CPNE4: variants seen among roughly 807,000 people sequenced by gnomAD.
The protein encoded by CPNE4 is copine 4.
CPNE4 carries 25 observed loss-of-function variants against 67.9 expected under a neutral mutation model. That is an observed-to-expected ratio of 0.37 (90% CI 0.27 to 0.51). The LOEUF (loss-of-function observed/expected upper bound fraction) is 0.51, where lower values mean the gene tolerates loss of function less well. CPNE4 is among the 20% of genes least tolerant of loss of function. The pLI is 0.93. For synonymous variants in CPNE4, 242 were observed against 244.9 expected, an observed-to-expected ratio of 0.99 and a Z score of 0.11; for missense variants, 464 against 690.8, an observed-to-expected ratio of 0.67 and a Z score of 3.68.
At chr3:132,018,940 G>A (rs1438414959) in intron 1 of CPNE4, among the ~76,000 whole-genome samples, 1 of 152,118 alleles carries the variant, frequency 6.6e-6, no homozygotes, top group East Asian at 1.9e-4. Context: ...GGAAAATTAG[G>A]GCGATGCACT....
chr3:131,843,726 G>C (rs953794593), intron 2 of CPNE4, among the ~76,000 whole-genome samples: 1 of 152,126 alleles, frequency 6.6e-6, no homozygotes, highest in African/African-American at 2.4e-5. Context: ...TCCCTTGCAG[G>C]GTTCCTATGA....
At chr3:131,857,674 C>G (rs2086504852) in intron 2 of CPNE4, among the ~76,000 whole-genome samples, 1 of 151,864 alleles carries the variant, frequency 6.6e-6, no homozygotes. Flanking sequence ...TTTCTAGTGC[C>G]CACTTTCTAA....
intron 2 of CPNE4, among the ~76,000 whole-genome samples, chr3:131,730,266 AT>A (rs2082097782): frequency 6.6e-6 from 1 of 152,142 alleles, no homozygotes; most frequent in African/African-American, 2.4e-5. Context: ...ATTGGAAACA[AT>A]TTTTTTCTTT....
chr3:131,977,714 G>A (rs993107905), intron 1 of CPNE4, among the ~76,000 whole-genome samples: 1 of 151,798 alleles, frequency 6.6e-6, no homozygotes, highest in Admixed American at 6.6e-5. Context: ...AGTTACAGGG[G>A]TACAGGTGAT....
At chr3:132,029,467 C>T (rs1310953691) in intron 1 of CPNE4, among the ~76,000 whole-genome samples, 4 of 152,136 alleles carry the variant, frequency 2.6e-5, no homozygotes, top group Non-Finnish European at 4.4e-5. Context: ...GCTAGTGCTC[C>T]GGCGCCCTCT....
intron 1 of CPNE4, among the ~76,000 whole-genome samples, chr3:131,941,662 G>T (rs1183236484): frequency 6.6e-6 from 1 of 152,072 alleles, no homozygotes; most frequent in Non-Finnish European, 1.5e-5. Flanking sequence ...GCTAAAGAAT[G>T]TTAAAACTTC....
intron 1 of CPNE4, among the ~76,000 whole-genome samples, chr3:131,963,450 G>C (rs1267619894): frequency 6.6e-6 from 1 of 152,048 alleles, no homozygotes. Context: ...TCACTCAGTG[G>C]GTCCCAGTCC....
At chr3:132,018,823 A>G (rs1479808554) in intron 1 of CPNE4, among the ~76,000 whole-genome samples, 2 of 152,216 alleles carry the variant, frequency 1.3e-5, no homozygotes, top group East Asian at 3.9e-4. Context: ...TGAAAATATC[A>G]CTGAAAGAAT....
At chr3:131,746,212 G>A (rs760963707) in intron 2 of CPNE4, among the ~76,000 whole-genome samples, 9 of 152,012 alleles carry the variant, frequency 5.9e-5, no homozygotes, top group Non-Finnish European at 1.0e-4. Flanking sequence ...TATATAGTGT[G>A]ATAATCAAAC....
intron 13 of CPNE4, among the ~76,000 whole-genome samples, chr3:131,551,800 CAG>C (rs1456556459): frequency 6.6e-6 from 1 of 151,816 alleles, no homozygotes; most frequent in African/African-American, 2.4e-5. Context: ...TGTTAGAAAA[CAG>C]AAAAAATCAT....
chr3:131,568,069 A>G (rs919826652), intron 10 of CPNE4, among the ~76,000 whole-genome samples: 1 of 152,038 alleles, frequency 6.6e-6, no homozygotes, highest in Non-Finnish European at 1.5e-5. Flanking sequence ...TAACTGATGA[A>G]AAAGGAAATA....
intron 2 of CPNE4, among the ~76,000 whole-genome samples, chr3:131,736,621 A>G (rs1406648617): frequency 6.6e-6 from 1 of 151,472 alleles, no homozygotes; most frequent in Non-Finnish European, 1.5e-5. Context: ...CAAAAAAAAA[A>G]AAAAAAAAAA....
At chr3:131,996,862 G>T (rs1374478637) in intron 1 of CPNE4, among the ~76,000 whole-genome samples, 1 of 152,100 alleles carries the variant, frequency 6.6e-6, no homozygotes, top group Non-Finnish European at 1.5e-5. Flanking sequence ...AGGAGACCTA[G>T]AAAGTTTGCA....
intron 1 of CPNE4, among the ~76,000 whole-genome samples, chr3:131,982,891 C>T (rs2072942816): frequency 6.6e-6 from 1 of 151,934 alleles, no homozygotes; most frequent in South Asian, 2.1e-4. Flanking sequence ...CCTACATTAT[C>T]ATCATGGATG....
chr3:131,716,790 A>C (rs1044896247), intron 3 of CPNE4, among the ~76,000 whole-genome samples: 1 of 152,200 alleles, frequency 6.6e-6, no homozygotes, highest in African/African-American at 2.4e-5. Flanking sequence ...TTTTCAAATG[A>C]AGAAACTGAG....
intron 1 of CPNE4, among the ~76,000 whole-genome samples, chr3:131,906,564 C>T (rs2088773827): frequency 1.3e-5 from 2 of 151,888 alleles, no homozygotes; most frequent in South Asian, 2.1e-4. Context: ...CATCCATGTC[C>T]CTACAAAGGA....
chr3:131,882,334 G>A (rs918674829), intron 2 of CPNE4, among the ~76,000 whole-genome samples: 1 of 152,142 alleles, frequency 6.6e-6, no homozygotes, highest in Admixed American at 6.5e-5. Flanking sequence ...AATCATTTAA[G>A]TGAGCTCAAC....
intron 3 of CPNE4, among the ~76,000 whole-genome samples, chr3:131,705,309 AC>A (rs760237827): frequency 3.9e-5 from 6 of 151,982 alleles, no homozygotes; most frequent in Non-Finnish European, 7.4e-5. Flanking sequence ...TCTCAGCCCC[AC>A]CCCAGACCCA....
chr3:131,608,652 T>C (rs1262142697), intron 7 of CPNE4, among the ~76,000 whole-genome samples: 5 of 152,046 alleles, frequency 3.3e-5, no homozygotes, highest in Admixed American at 3.3e-4. Context: ...TTGATAATAG[T>C]GGAGAACTGA....
Sources: gnomAD v4.1 joint callset for allele counts (sites outside exome capture counted in the v4.1 genomes callset) on GRCh38, gnomAD v4.1.1 for gene constraint, MANE v1.5 for transcripts, NCBI Gene and HGNC (gene_info 2026-07-23, HGNC 2026-07-21) for gene names.